Variants in ZNF420 observed in about 807,000 individuals in gnomAD.
ZNF420 encodes zinc finger protein 420.
A neutral mutation model predicts 44.7 loss-of-function variants in ZNF420; 31 were observed. That is an observed-to-expected ratio of 0.69 (90% CI 0.52 to 0.94). The LOEUF (loss-of-function observed/expected upper bound fraction) is 0.94, where lower values mean the gene tolerates loss of function less well. ZNF420 is among the 40% of genes least tolerant of loss of function. The probability of loss-of-function intolerance (pLI) is 0.00; values close to 1 mark genes in which losing one functional copy is unlikely to be tolerated. For missense variants in ZNF420, 681 were observed against 827.9 expected, an observed-to-expected ratio of 0.82 and a Z score of 2.18; for synonymous variants, 245 against 267.4, an observed-to-expected ratio of 0.92 and a Z score of 0.82.
At chr19:37,090,863 C>A (rs540300881) in intron 3 of ZNF420, 132 bp from the exon 4 acceptor site, 2 of 820,082 alleles carry the variant, frequency 2.4e-6, no homozygotes, top group Non-Finnish European at 3.5e-6. Flanking sequence ...GAGGTTGCAG[C>A]GTGCCGAGAT....
Position 37,129,339 on chromosome 19 carries a change from G to T in ZNF420, c.*281G>T, listed in dbSNP as rs1316140670. On this transcript the variant is annotated 3_prime_UTR_variant, in exon 5 of 5. Transcript: ENST00000337995. Reference sequence around the variant, plus strand: ...TTTCAACGTTATCTTAGCTCTACTAGTTGATCTTTTTGTTATATGTATCAT... The same window carrying T: ...TTTCAACGTTATCTTAGCTCTACTATTTGATCTTTTTGTTATATGTATCAT... 4 of 384,740 alleles carry T rather than the reference G, an allele frequency of 1.0e-5. No individual in the cohort carries two copies. Among genetic ancestry groups the T allele is most frequent in the Non-Finnish European group, 1.9e-5 (4 of 215,144 alleles). The allele number at this position is 384,740 out of a possible 1,614,324, so 23.8% of individuals were successfully genotyped here.
intron 1 of ZNF420, among the ~76,000 whole-genome samples, chr19:37,058,906 G>A (rs1437404459): frequency 1.3e-5 from 2 of 152,156 alleles, no homozygotes; most frequent in African/African-American, 2.4e-5. Flanking sequence ...TTTGCGAATC[G>A]GGGCAGCCCA....
intron 1 of ZNF420, among the ~76,000 whole-genome samples, chr19:37,039,783 C>T (rs1967420897): frequency 6.6e-6 from 1 of 151,684 alleles, no homozygotes; most frequent in Admixed American, 6.6e-5. Flanking sequence ...CAACTGCAGA[C>T]TTGACCTCCT....
At chr19:37,022,106 G>A (rs1428731010) in intron 1 of ZNF420, among the ~76,000 whole-genome samples, 1 of 151,390 alleles carries the variant, frequency 6.6e-6, no homozygotes, top group Non-Finnish European at 1.5e-5. Flanking sequence ...TTGTTTTTGG[G>A]GAGATGGACT....
At chr19:37,033,763 T>G (rs1449435382) in intron 1 of ZNF420, among the ~76,000 whole-genome samples, 2 of 152,174 alleles carry the variant, frequency 1.3e-5, no homozygotes, top group African/African-American at 4.8e-5. Context: ...TTTTATTTAT[T>G]TATTTATTTT....
chr19:37,014,232 C>T (rs920136548), intron 1 of ZNF420, among the ~76,000 whole-genome samples: 1 of 152,130 alleles, frequency 6.6e-6, no homozygotes, highest in Non-Finnish European at 1.5e-5. Flanking sequence ...GCAGGATTCC[C>T]TGAGCTTTGA....
At chr19:37,103,978 GTC>G (rs1969925044) in intron 4 of ZNF420, among the ~76,000 whole-genome samples, 1 of 83,000 alleles carries the variant, frequency 1.2e-5, no homozygotes, top group African/African-American at 5.4e-5. Flanking sequence ...TTTTTTTTTT[GTC>G]TTTTTTTTTT....
intron 1 of ZNF420, among the ~76,000 whole-genome samples, chr19:37,063,779 A>G (rs1056057312): frequency 6.6e-6 from 1 of 152,134 alleles, no homozygotes; most frequent in African/African-American, 2.4e-5. Context: ...CCACAATCCA[A>G]TTACCAAAAT....
intron 1 of ZNF420, among the ~76,000 whole-genome samples, chr19:37,034,119 T>C (rs1967311812): frequency 6.6e-6 from 1 of 152,112 alleles, no homozygotes; most frequent in Non-Finnish European, 1.5e-5. Flanking sequence ...GACTATACCG[T>C]TGCAGAATCC....
chr19:37,084,160 T>C (rs1968628205), intron 2 of ZNF420, among the ~76,000 whole-genome samples: 1 of 152,148 alleles, frequency 6.6e-6, no homozygotes, highest in East Asian at 1.9e-4. Context: ...AGACATAACT[T>C]CATAAAGTTA....
chr19:37,022,384 G>T (rs946736642), intron 1 of ZNF420, among the ~76,000 whole-genome samples: 1 of 151,688 alleles, frequency 6.6e-6, no homozygotes, highest in Non-Finnish European at 1.5e-5. Flanking sequence ...TCACACTTTT[G>T]ACATTTTAAA....
intron 1 of ZNF420, among the ~76,000 whole-genome samples, chr19:37,032,083 G>A (rs368350721): frequency 1.2e-3 from 182 of 152,066 alleles, no homozygotes; most frequent in African/African-American, 4.2e-3. Flanking sequence ...GGTGGCTAAC[G>A]CCTGTAATCC....
At chr19:37,013,849 G>A (rs543530335) in intron 1 of ZNF420, among the ~76,000 whole-genome samples, 6 of 152,340 alleles carry the variant, frequency 3.9e-5, no homozygotes, top group African/African-American at 1.4e-4. Context: ...AGGGCCAGGG[G>A]TGAGTTTGAG....
intron 1 of ZNF420, among the ~76,000 whole-genome samples, chr19:37,055,329 T>C (rs576505670): frequency 6.6e-6 from 1 of 152,086 alleles, no homozygotes; most frequent in African/African-American, 2.4e-5. Flanking sequence ...GAGGCTGCAG[T>C]GAGTTATGAT....
chr19:37,028,886 C>T (rs1316349434), intron 1 of ZNF420, among the ~76,000 whole-genome samples: 2 of 152,160 alleles, frequency 1.3e-5, no homozygotes, highest in African/African-American at 4.8e-5. Flanking sequence ...TGCTCTTGAA[C>T]TTCTACTGGA....
In ZNF420 at chr19:37,090,583, G is replaced by C. The variant is rs995942380; in HGVS notation, c.10-412G>C. On this transcript the variant is annotated intron_variant, in intron 3 of 4. Transcript: ENST00000337995. The stretch of plus-strand genomic sequence containing the variant: ...TTGTACTTTTCAGCCCATGTGCTCT[G>C]TTGCTTCCTTTGTGGAGGGATCTTC... Among the ~76,000 whole-genome samples, 3 of 151,894 alleles carry C rather than the reference G, an allele frequency of 2.0e-5. No homozygotes were observed. In the East Asian group the frequency reaches 5.8e-4, roughly 30 times the overall value.
chr19:37,116,368 CAAAAAA>C (rs57611154), intron 4 of ZNF420, among the ~76,000 whole-genome samples: 1 of 75,898 alleles, frequency 1.3e-5, no homozygotes, highest in South Asian at 4.6e-4. Flanking sequence ...GACTCCACCT[CAAAAAA>C]AAAAAAAAAA....
chr19:37,086,930 A>T (rs1340543944), intron 2 of ZNF420, among the ~76,000 whole-genome samples: 1 of 152,272 alleles, frequency 6.6e-6, no homozygotes, highest in South Asian at 2.1e-4. Context: ...TGGTTGAACT[A>T]TTATTAATAC....
At chr19:37,074,576 A>G (rs1444246897), upstream of ZNF420, among the ~76,000 whole-genome samples, 1 of 152,242 alleles carries the variant, frequency 6.6e-6, no homozygotes, top group East Asian at 1.9e-4. Context: ...TTAAATACAC[A>G]TATCAGACAT....
Sources: allele counts gnomAD v4.1 joint callset (sites outside exome capture counted in the v4.1 genomes callset), GRCh38; gene constraint gnomAD v4.1.1; transcripts MANE v1.5; gene names NCBI Gene and HGNC (gene_info 2026-07-23, HGNC 2026-07-21).